Variants in TBC1D5 observed in about 807,000 individuals in gnomAD.
TBC1D5 encodes TBC1 domain family, member 5.
Under a neutral mutation model 100.3 loss-of-function variants are expected in TBC1D5, and 75 were observed. That is an observed-to-expected ratio of 0.75 (90% CI 0.62 to 0.91). The LOEUF is 0.91. TBC1D5 is among the 40% of genes least tolerant of loss of function. The pLI, the probability that TBC1D5 is intolerant of heterozygous loss-of-function variation, is 0.00. For synonymous variants in TBC1D5, 323 were observed against 325.6 expected (o/e 0.99, Z 0.09); for missense variants, 910 against 942.4 (o/e 0.97, Z 0.45).
chr3:17,549,628 T>C (rs2096454712), intron 2 of TBC1D5, among the ~76,000 whole-genome samples: 1 of 152,046 alleles, frequency 6.6e-6, no homozygotes, highest in South Asian at 2.1e-4. Context: ...CCATTCAATA[T>C]AGTTGTTTTA....
intron 1 of TBC1D5, among the ~76,000 whole-genome samples, chr3:17,628,696 A>C (rs561056819): frequency 1.8e-4 from 27 of 152,240 alleles, no homozygotes; most frequent in Non-Finnish European, 3.1e-4. Context: ...TGCAAAGAAG[A>C]GAGATGCTCA....
At chr3:17,272,232 C>T (rs1230252459) in intron 15 of TBC1D5, among the ~76,000 whole-genome samples, 2 of 152,086 alleles carry the variant, frequency 1.3e-5, no homozygotes, top group African/African-American at 2.4e-5. Flanking sequence ...AATCTTCAAA[C>T]TTTATGTGTT....
At chr3:17,439,046 A>G (rs2094588565) in intron 3 of TBC1D5, among the ~76,000 whole-genome samples, 1 of 152,146 alleles carries the variant, frequency 6.6e-6, no homozygotes. Context: ...TATTTATCAA[A>G]ATTATTCTTT....
At chr3:17,292,412 C>CTTAA (rs2081856403) in intron 14 of TBC1D5, among the ~76,000 whole-genome samples, 1 of 151,540 alleles carries the variant, frequency 6.6e-6, no homozygotes, top group Non-Finnish European at 1.5e-5. Flanking sequence ...TAATATTTAC[C>CTTAA]TTATTATGCA....
intron 2 of TBC1D5, among the ~76,000 whole-genome samples, chr3:17,596,757 C>A (rs895443322): frequency 6.6e-6 from 1 of 150,546 alleles, no homozygotes. Flanking sequence ...CTTGGTGACA[C>A]CAATGGGCAC....
At chr3:17,312,599 T>C (rs1438895017) in intron 13 of TBC1D5, among the ~76,000 whole-genome samples, 1 of 152,192 alleles carries the variant, frequency 6.6e-6, no homozygotes, top group African/African-American at 2.4e-5. Context: ...CCAAAGGATA[T>C]GTACATGAAC....
At chr3:17,294,262 C>G (rs1559569729) in intron 14 of TBC1D5, among the ~76,000 whole-genome samples, 1 of 152,032 alleles carries the variant, frequency 6.6e-6, no homozygotes, top group Non-Finnish European at 1.5e-5. Flanking sequence ...CTCTGTCACC[C>G]AGGCTAGAGT....
At chr3:17,550,760 T>C (rs2096465596) in intron 2 of TBC1D5, among the ~76,000 whole-genome samples, 1 of 152,156 alleles carries the variant, frequency 6.6e-6, no homozygotes, top group Non-Finnish European at 1.5e-5. Flanking sequence ...AAATGTTATT[T>C]TGCCATAAAG....
At chr3:17,181,935 C>T (rs1276295683) in intron 19 of TBC1D5, among the ~76,000 whole-genome samples, 1 of 152,010 alleles carries the variant, frequency 6.6e-6, no homozygotes, top group East Asian at 1.9e-4. Context: ...TATATTCAAT[C>T]CCTTACTAAT....
Position 17,284,089 on chromosome 3 carries a change from TACACACACACAC to T in TBC1D5, c.1245+7794_1245+7805del, listed in dbSNP as rs58307801. Among the ~76,000 whole-genome samples, 6 of 132,818 alleles carry T rather than the reference TACACACACACAC, an allele frequency of 4.5e-5. No individual in the cohort carries two copies. The East Asian group carries it at 1.0e-3, about 23-fold the overall frequency. The allele number at this position is 132,818 out of a possible 152,430, so 87.1% of individuals were successfully genotyped here. On this transcript the variant is annotated intron_variant, in intron 15 of 21. Transcript: ENST00000253692. ...CAGATTCTACCCTCACTCATTATTT[TACACACACACAC>T]ACACACACACACACACACACACGTA...
chr3:17,447,054 T>C (rs2094815712), intron 3 of TBC1D5, among the ~76,000 whole-genome samples: 1 of 151,994 alleles, frequency 6.6e-6, no homozygotes, highest in South Asian at 2.1e-4. Flanking sequence ...AAAGAGGATT[T>C]TGAGAAGGAG....
chr3:17,215,296 T>C (rs1010972313), intron 17 of TBC1D5, among the ~76,000 whole-genome samples: 1 of 152,118 alleles, frequency 6.6e-6, no homozygotes, highest in Non-Finnish European at 1.5e-5. Flanking sequence ...AGAATGATCA[T>C]GACTTGGTGG....
intron 15 of TBC1D5, among the ~76,000 whole-genome samples, chr3:17,280,529 A>C (rs2080468604): frequency 6.6e-6 from 1 of 152,186 alleles, no homozygotes; most frequent in Non-Finnish European, 1.5e-5. Flanking sequence ...GAGGAGAAGC[A>C]GCTAGACATT....
chr3:17,520,327 T>A (rs990901040), intron 2 of TBC1D5, among the ~76,000 whole-genome samples: 4 of 152,070 alleles, frequency 2.6e-5, no homozygotes, highest in Non-Finnish European at 5.9e-5. Context: ...TGCTAGCTAA[T>A]TATAGTAAGA....
chr3:17,485,153 C>T (rs879258830), intron 3 of TBC1D5, among the ~76,000 whole-genome samples: 4 of 151,602 alleles, frequency 2.6e-5, no homozygotes, highest in East Asian at 1.9e-4. Context: ...TTTCTGGTAC[C>T]GAAATAAGGA....
chr3:17,195,161 T>C (rs1398101217), intron 18 of TBC1D5, among the ~76,000 whole-genome samples: 1 of 152,246 alleles, frequency 6.6e-6, no homozygotes, highest in East Asian at 1.9e-4. Flanking sequence ...TGCTTATGTA[T>C]GGGAGTCTAA....
chr3:17,183,268 CT>C (rs2068652496), intron 19 of TBC1D5, among the ~76,000 whole-genome samples: 1 of 152,162 alleles, frequency 6.6e-6, no homozygotes, highest in Non-Finnish European at 1.5e-5. Flanking sequence ...CCAAGTCCCC[CT>C]TTAAAAGCCT....
chr3:17,502,143 T>C (rs967177439), intron 3 of TBC1D5, among the ~76,000 whole-genome samples: 3 of 149,678 alleles, frequency 2.0e-5, no homozygotes, highest in South Asian at 2.1e-4. Context: ...ACCGCAGAAC[T>C]CTTCTTCCAC....
intron 17 of TBC1D5, among the ~76,000 whole-genome samples, chr3:17,222,303 A>G (rs1186549116): frequency 6.6e-6 from 1 of 152,132 alleles, no homozygotes; most frequent in Non-Finnish European, 1.5e-5. Flanking sequence ...CATTATCATG[A>G]ACTTCTACAC....
Sources: gnomAD v4.1 joint callset for allele counts (sites outside exome capture counted in the v4.1 genomes callset) on GRCh38, gnomAD v4.1.1 for gene constraint, MANE v1.5 for transcripts, NCBI Gene and HGNC (gene_info 2026-07-23, HGNC 2026-07-21) for gene names.